TMEM132A: variants seen among roughly 807,000 people sequenced by gnomAD.
TMEM132A encodes the protein transmembrane protein 132A, also known as GRP78-binding protein.
A neutral mutation model predicts 69.9 loss-of-function variants in TMEM132A; 48 were observed. The observed-to-expected ratio is 0.69, with a 90% confidence interval of 0.55 to 0.87. TMEM132A has a LOEUF of 0.87. Among genes scored for constraint, TMEM132A ranks in the 40% least tolerant of loss-of-function variants. The pLI, the probability that TMEM132A is intolerant of heterozygous loss-of-function variation, is 0.00. For synonymous variants in TMEM132A, 577 were observed against 613.7 expected, an observed-to-expected ratio of 0.94 and a Z score of 0.88; for missense variants, 1,287 against 1,407.2, an observed-to-expected ratio of 0.91 and a Z score of 1.37.
chr11:60,935,924 T>C lies in TMEM132A; in HGVS notation c.2089T>C (p.Tyr697His), dbSNP rs551683496. Residue 697 changes from tyrosine (Y) to histidine (H), a missense_variant, in exon 11 of 11, where the codon TAC becomes CAC. Tyr to His is a moderately conservative substitution (Grantham distance 83). Transcript: ENST00000453848. This position sits in a 1 kb window ranked among gnomAD's most constrained non-coding sequence, Gnocchi z 5.0. ...TCACACTGTGGCCCCAGCTGAGCTCTACGACCGCCGTGACCTGGGACTGTC... is the reference window on the plus strand; with the variant it reads ...TCACACTGTGGCCCCAGCTGAGCTCCACGACCGCCGTGACCTGGGACTGTC... ...SDHTVAPAEL[Y>H]DRRDLGLSVS... The C allele has an allele frequency of 9.2e-5, 149 of 1,611,692 alleles. No individual in the cohort carries two copies. The highest frequency in any genetic ancestry group is 7.1e-5 in the Non-Finnish European group (84 of 1,179,872).
intron 1 of TMEM132A, 64 bp downstream of exon 1, chr11:60,924,797 GC>G (rs1856314791): frequency 1.7e-6 from 2 of 1,194,380 alleles, no homozygotes; most frequent in Non-Finnish European, 2.3e-6. Context: ...AGCGAGTGAT[GC>G]CCGGGAGCCA....
rs758917002 is a variant in TMEM132A, at chr11:60,927,674, C to G, written c.349C>G (p.Arg117Gly). The G allele has an allele frequency of 4.3e-6, 7 of 1,613,044 alleles. No individual in the cohort carries two copies. The highest frequency in any genetic ancestry group is 1.7e-5 in the Admixed American group (1 of 60,022). ...VPPRVTEPHQ[R>G]PVPWDVRAVS... ...CCCTCGAGTCACTGAGCCCCACCAA[C>G]GGCCAGTCCCATGGGACGTGCGGGC... The change falls in exon 3 of 11, where the codon CGG becomes GGG. Residue 117 changes from arginine to glycine, a missense_variant. Arg to Gly is a moderately radical substitution (Grantham distance 125, BLOSUM62 -2). Transcript: ENST00000453848.
rs770609330 is a variant in TMEM132A at position 60,936,791 on chromosome 11, G to A, written c.2956G>A (p.Val986Met). 2 of 1,613,484 alleles carry A rather than the reference G, an allele frequency of 1.2e-6. No homozygotes were observed. Among genetic ancestry groups the A allele is most frequent in the South Asian group, 1.1e-5 (1 of 91,014 alleles). ...TGAGGAGCCTGTAGGGGCCCCTGCT[G>A]TGCAGTCCATCCTTGTGGCAGGCGA... ...SPEEPVGAPA[V>M]QSILVAGEED... The change falls in exon 11 of 11, where the codon GTG (valine) becomes ATG (methionine). Residue 986 changes from valine (V) to methionine (M), a missense_variant. Physicochemically the swap from Val to Met is conservative, Grantham distance 21 (BLOSUM62 1). Coordinates refer to ENST00000453848, the MANE Select transcript of TMEM132A (RefSeq NM_178031.3).
chr11:60,929,883 T>TAGGACTGG (rs1856438530), intron 4 of TMEM132A, among the ~76,000 whole-genome samples: 1 of 102,206 alleles, frequency 9.8e-6, no homozygotes, highest in African/African-American at 3.5e-5. Flanking sequence ...CAAGGGCCAG[T>TAGGACTGG]CCCTATCTGG....
chr11:60,936,482 A>G lies in TMEM132A; in HGVS notation c.2647A>G (p.Ser883Gly). ...LRYQRKEPPD[S>G]ATDPTSPQPH... ...CTATCAGCGCAAAGAACCTCCCGACAGTGCCACTGACCCCACCTCCCCCCA... is the reference window on the plus strand; with the variant it reads ...CTATCAGCGCAAAGAACCTCCCGACGGTGCCACTGACCCCACCTCCCCCCA... The change falls in exon 11 of 11, where the codon AGT becomes GGT. Residue 883 changes from serine to glycine, a missense_variant. Coordinates refer to ENST00000453848, the MANE Select transcript of TMEM132A (RefSeq NM_178031.3). The G allele has an allele frequency of 2.5e-6, 4 of 1,614,146 alleles. No homozygotes were observed. The highest frequency in any genetic ancestry group is 2.2e-5 in the East Asian group (1 of 44,860).
Position 60,935,278 on chromosome 11 carries a change from C to T in TMEM132A, c.1863C>T (p.Ile621=), listed in dbSNP as rs777245184. 6.2e-7 allele frequency: 1 copy of T among 1,611,812 alleles called. No homozygotes were observed. The highest frequency in any genetic ancestry group is 8.5e-7 in the Non-Finnish European group (1 of 1,179,442). ...TGCGTTCCCCACTGTCTGACTCCAT[C>T]CTGGGGGAGCAGGCGCTGGCTGTGA... The part of the protein sequence containing the change: ...IEVRSPLSDS[I]LGEQALAVTD... Residue 621 remains isoleucine, a synonymous_variant, in exon 10 of 11, where the codon ATC becomes ATT. Transcript: ENST00000453848. The surrounding 1 kb of genome is among the most constrained non-coding windows in gnomAD (Gnocchi z 5.0).
intron 1 of TMEM132A, chr11:60,925,193 TC>T (rs1432454853): frequency 1.3e-5 from 2 of 153,710 alleles, no homozygotes; most frequent in Admixed American, 6.5e-5. Context: ...AAGCCCTCCC[TC>T]CCCCTTCCCC....
Position 60,936,990 on chromosome 11 carries a change from C to A in TMEM132A, c.*83C>A. On this transcript the variant is annotated 3_prime_UTR_variant, in exon 11 of 11. Transcript: ENST00000453848. ...GAGCCTCTCGCCTGCCCCCGCCACT[C>A]GTCTGGTGCTTGTTGATCCAAGTCC... 7.5e-7 allele frequency: 1 copy of A among 1,342,160 alleles called. No homozygotes were observed. The highest frequency in any genetic ancestry group is 9.9e-7 in the Non-Finnish European group (1 of 1,006,778). 83.1% of individuals were successfully genotyped at this position (1,342,160 alleles called of 1,614,324 possible).
Position 60,927,293 on chromosome 11 carries a change from G to T in TMEM132A, c.190G>T (p.Val64Leu), listed in dbSNP as rs1253113621. 3.1e-6 allele frequency: 5 copies of T among 1,613,444 alleles called. No homozygotes were observed. ...CCCTGAACACTTCCGTGTGCAGCAGGTGGGCCACTACCCACCTGCCAACTC... is the reference window on the plus strand; with the variant it reads ...CCCTGAACACTTCCGTGTGCAGCAGTTGGGCCACTACCCACCTGCCAACTC... ...DAPEHFRVQQ[V>L]GHYPPANSSL... is the part of the protein sequence containing the mutation. The change falls in exon 2 of 11, where the codon GTG becomes TTG. Residue 64 changes from valine to leucine, a missense_variant. By Grantham distance (32) the Val-to-Leu change is conservative (BLOSUM62 1). Coordinates refer to ENST00000453848, the MANE Select transcript of TMEM132A (RefSeq NM_178031.3).
Position 60,927,296 on chromosome 11 carries a change from G to T in TMEM132A, c.193G>T (p.Gly65Cys). Reference protein sequence around the residue: ...APEHFRVQQVGHYPPANSSLS... With the variant: ...APEHFRVQQVCHYPPANSSLS... ...TGAACACTTCCGTGTGCAGCAGGTG[G>T]GCCACTACCCACCTGCCAACTCCTC... Residue 65 changes from glycine (G) to cysteine (C), a missense_variant, in exon 2 of 11, where the codon GGC becomes TGC. By Grantham distance (159) the Gly-to-Cys change is radical. Transcript: ENST00000453848. The T allele has an allele frequency of 1.2e-6, 2 of 1,613,418 alleles. No individual in the cohort carries two copies. The highest frequency in any genetic ancestry group is 1.7e-6 in the Non-Finnish European group (2 of 1,179,964).
rs1856538898 is a variant in TMEM132A at position 60,934,067 on chromosome 11, G to A, written c.1559+323G>A. ...GAGAATGTCAGCCCCTTGAAGCTGC[G>A]GTCTGTCTATGCTGGTCGTACCCTC... On this transcript the variant is annotated intron_variant, in intron 8 of 10. Coordinates refer to ENST00000453848, the MANE Select transcript of TMEM132A (RefSeq NM_178031.3). 6.5e-6 allele frequency: 3 copies of A among 459,064 alleles called. No individual in the cohort carries two copies. In the South Asian group the frequency reaches 1.1e-4, roughly 17 times the overall value. 28.4% of individuals were successfully genotyped at this position (459,064 alleles called of 1,614,324 possible). A position where few individuals can be genotyped will look rare whatever the true frequency, so the allele number is the denominator to read the frequency against.
chr11:60,928,871 G>A lies in TMEM132A; in HGVS notation c.777G>A (p.Arg259=), dbSNP rs751419986. The change falls in exon 4 of 11, where the codon CGG becomes CGA. Residue 259 remains arginine (R), a synonymous_variant. Coordinates refer to ENST00000453848, the MANE Select transcript of TMEM132A (RefSeq NM_178031.3). The stretch of plus-strand genomic sequence containing the variant: ...CTCTGGACGAGGCTGTGACTCTGCG[G>A]GTGCCTGACATGCCAGTGCGGCCCG... The part of the protein sequence containing the change: ...EVPLDEAVTL[R]VPDMPVRPGQ... 2.4e-5 allele frequency: 39 copies of A among 1,612,800 alleles called. No individual in the cohort carries two copies. The highest frequency in any genetic ancestry group is 3.3e-5 in the Non-Finnish European group (39 of 1,180,020).
chr11:60,936,071 G>A lies in TMEM132A; in HGVS notation c.2236G>A (p.Glu746Lys), dbSNP rs760316422. The change falls in exon 11 of 11, where the codon GAG becomes AAG. Residue 746 changes from glutamate to lysine, a missense_variant. Transcript: ENST00000453848. ...LPLHVALHPP[E>K]PCRRGRHRVP... ...GCTGCATGTGGCTCTGCACCCGCCC[G>A]AGCCCTGCCGCCGGGGCCGCCACCG... 1.0e-5 allele frequency: 16 copies of A among 1,607,410 alleles called. No individual in the cohort carries two copies. The highest frequency in any genetic ancestry group is 2.2e-5 in the South Asian group (2 of 90,708).
rs369259825 is a variant in TMEM132A at position 60,928,813 on chromosome 11, G to A, written c.719G>A (p.Arg240His). ...QALPVGGVEL[R>H]PADPPQYQEV... ...CTCCCAGTGGGGGGTGTGGAGCTGC[G>A]CCCAGCAGACCCCCCGCAGTACCAG... is the stretch of plus-strand genomic sequence containing the variant. The change falls in exon 4 of 11, where the codon CGC becomes CAC. Residue 240 changes from arginine (R) to histidine (H), a missense_variant. By Grantham distance (29) the Arg-to-His change is conservative (BLOSUM62 0). Transcript: ENST00000453848. 49 of 1,611,682 alleles carry A rather than the reference G, an allele frequency of 3.0e-5. No individual in the cohort carries two copies. The East Asian group carries it at 4.2e-4, about 14-fold the overall frequency.
chr11:60,926,001 C>G (rs1367495416), intron 1 of TMEM132A: 1 of 152,174 alleles, frequency 6.6e-6, no homozygotes, highest in Non-Finnish European at 1.5e-5. Context: ...CCAGGATGAG[C>G]AAGACAGGGT....
intron 1 of TMEM132A, chr11:60,925,498 GT>G: frequency 6.6e-6 from 1 of 152,556 alleles, no homozygotes; most frequent in East Asian, 1.9e-4. Flanking sequence ...AGGCAATGGA[GT>G]AGGAGGCGAA....
chr11:60,934,817 C>T, intron 9 of TMEM132A, 53 bp downstream of exon 9: 1 of 1,522,960 alleles, frequency 6.6e-7, no homozygotes, highest in Non-Finnish European at 8.8e-7. Flanking sequence ...TGGAGGGGCC[C>T]CCAAAATGTT....
rs536754543 is a variant in TMEM132A, at chr11:60,928,828, C to T, written c.734C>T (p.Pro245Leu). Residue 245 changes from proline to leucine, a missense_variant, in exon 4 of 11, where the codon CCG (proline) becomes CTG (leucine). By Grantham distance (98) the Pro-to-Leu change is moderately conservative. Coordinates refer to ENST00000453848, the MANE Select transcript of TMEM132A (RefSeq NM_178031.3). ...GTGGAGCTGCGCCCAGCAGACCCCC[C>T]GCAGTACCAGGAGGTACCTCTGGAC... The part of the protein sequence containing the change: ...GGVELRPADP[P>L]QYQEVPLDEA... The T allele has an allele frequency of 3.2e-5, 52 of 1,612,340 alleles. 1 individual carries two copies. The highest frequency in any genetic ancestry group is 2.4e-4 in the South Asian group (22 of 91,046).
intron 7 of TMEM132A, 46 bp from the exon 8 acceptor site, chr11:60,933,496 G>T: frequency 6.5e-7 from 1 of 1,545,308 alleles, no homozygotes; most frequent in South Asian, 1.2e-5. Context: ...CCTCACACCT[G>T]TCTTTAGTGG....
Sources: allele counts gnomAD v4.1 joint callset (sites outside exome capture counted in the v4.1 genomes callset), GRCh38; gene constraint gnomAD v4.1.1; non-coding constraint Gnocchi (gnomAD v3.1); transcripts MANE v1.5; gene names NCBI Gene and HGNC (gene_info 2026-07-23, HGNC 2026-07-21).